The following ZC3H11A variants were observed in gnomAD, a reference collection of about 807,000 sequenced individuals.
The protein encoded by ZC3H11A is zinc finger CCCH domain-containing protein 11A.
Under a neutral mutation model 90.8 loss-of-function variants are expected in ZC3H11A, and 22 were observed. The ratio of observed to expected loss-of-function variants is 0.24; its 90% CI spans 0.17 to 0.35. ZC3H11A has a LOEUF of 0.35. ZC3H11A is among the 10% of genes least tolerant of loss of function. The pLI is 1.00. For missense variants in ZC3H11A, 701 were observed against 964.9 expected, an observed-to-expected ratio of 0.73 and a Z score of 3.62; for synonymous variants, 294 against 339.8, an observed-to-expected ratio of 0.87 and a Z score of 1.48.
At chr1:203,805,714 G>A (rs1316957347) in intron 2 of ZC3H11A, 2 of 662,122 alleles carry the variant, frequency 3.0e-6, no homozygotes, top group African/African-American at 1.8e-5. Flanking sequence ...TGCAGGTGCA[G>A]ATGCTGGCTC....
chr1:203,821,299 GAGTT>G, intron 4 of ZC3H11A, among the ~76,000 whole-genome samples: 1 of 152,042 alleles, frequency 6.6e-6, no homozygotes, highest in East Asian at 1.9e-4. Flanking sequence ...GCAGAACTGT[GAGTT>G]AGTTAAACCT....
At position 203,802,378 on chromosome 1, in the gene ZC3H11A, A is replaced by G. The variant is rs1252172980; in HGVS notation, c.-784A>G. On this transcript the variant is annotated 5_prime_UTR_variant, in exon 2 of 18. Transcript: ENST00000367210. ...CCAAATCTAAAGTCTTTTATAGTGC[A>G]TTTTAAAAGGGGAAACTTATCCAAA... 2 of 152,524 alleles carry G rather than the reference A, an allele frequency of 1.3e-5. No individual in the cohort carries two copies. Among genetic ancestry groups the G allele is most frequent in the Non-Finnish European group, 2.9e-5 (2 of 68,006 alleles). The allele number at this position is 152,524 out of a possible 1,614,324, so 9.4% of individuals were successfully genotyped here. A position where few individuals can be genotyped will look rare whatever the true frequency, so the allele number is the denominator to read the frequency against.
intron 10 of ZC3H11A, among the ~76,000 whole-genome samples, chr1:203,834,863 C>T (rs1228737443): frequency 2.6e-5 from 4 of 152,170 alleles, no homozygotes; most frequent in Non-Finnish European, 4.4e-5. Flanking sequence ...AGGCTGGTCT[C>T]GAACTCCTGC....
intron 4 of ZC3H11A, among the ~76,000 whole-genome samples, chr1:203,827,599 G>A (rs1436702884): frequency 2.6e-5 from 4 of 151,580 alleles, no homozygotes; most frequent in Admixed American, 1.3e-4. Context: ...GGAGAATGGC[G>A]TGAACCCGGG....
chr1:203,798,419 C>G (rs780630170), intron 1 of ZC3H11A: 1 of 1,533,858 alleles, frequency 6.5e-7, no homozygotes, highest in Non-Finnish European at 8.7e-7. Flanking sequence ...GGCCAGGGTC[C>G]CACTTAGGGA....
At chr1:203,837,706 G>A (rs1471387865) in intron 10 of ZC3H11A, among the ~76,000 whole-genome samples, 1 of 152,016 alleles carries the variant, frequency 6.6e-6, no homozygotes, top group African/African-American at 2.4e-5. Flanking sequence ...TCGAACTCCT[G>A]GCCTTAAGTG....
chr1:203,839,838 C>T (rs1402614340), intron 11 of ZC3H11A, among the ~76,000 whole-genome samples: 1 of 151,708 alleles, frequency 6.6e-6, no homozygotes, highest in Non-Finnish European at 1.5e-5. Context: ...GAGTCTCACT[C>T]TGTCACCCAG....
chr1:203,814,594 A>G (rs1675628963), intron 2 of ZC3H11A, among the ~76,000 whole-genome samples: 1 of 152,050 alleles, frequency 6.6e-6, no homozygotes, highest in South Asian at 2.1e-4. Flanking sequence ...CTGAAACCTC[A>G]CCATAAGTAC....
At position 203,838,076 on chromosome 1, in the gene ZC3H11A, C is replaced by G; in HGVS notation, c.973+12C>G. On this transcript the variant is annotated intron_variant, in intron 11 of 17. Coordinates refer to ENST00000367210, the MANE Select transcript of ZC3H11A (RefSeq NM_001376342.1). Reference sequence around the variant, plus strand: ...AACACCAAAGAAAGGTACCTGTGTTCTTACATACTTTGTGTGTGTATGTAA... The same window carrying G: ...AACACCAAAGAAAGGTACCTGTGTTGTTACATACTTTGTGTGTGTATGTAA... The G allele has an allele frequency of 1.9e-6, 3 of 1,612,020 alleles. No individual in the cohort carries two copies. The highest frequency in any genetic ancestry group is 2.5e-6 in the Non-Finnish European group (3 of 1,178,592).
chr1:203,826,353 A>C (rs1680521504), intron 4 of ZC3H11A, among the ~76,000 whole-genome samples: 1 of 150,184 alleles, frequency 6.7e-6, no homozygotes, highest in African/African-American at 2.4e-5. Context: ...TAATATTAAA[A>C]TTAATAAATA....
chr1:203,827,028 T>C (rs1345235579), intron 4 of ZC3H11A, among the ~76,000 whole-genome samples: 2 of 152,196 alleles, frequency 1.3e-5, no homozygotes, highest in African/African-American at 4.8e-5. Context: ...AAGTTTTGAC[T>C]GTTTTCATCT....
intron 9 of ZC3H11A, among the ~76,000 whole-genome samples, chr1:203,833,300 G>C (rs1223280426): frequency 1.3e-5 from 2 of 150,386 alleles, no homozygotes; most frequent in African/African-American, 4.9e-5. Context: ...GGGAGGTGGA[G>C]GTTGCAGTGA....
At chr1:203,849,660 A>T in intron 14 of ZC3H11A, 51 bp from the exon 15 acceptor site, 5 of 1,539,920 alleles carry the variant, frequency 3.2e-6, no homozygotes, top group Non-Finnish European at 4.5e-6. Flanking sequence ...TACATCATAC[A>T]GGTTATTAGA....
rs377024811 is a variant in ZC3H11A, at chr1:203,828,377, A to G, written c.253A>G (p.Asn85Asp). The G allele has an allele frequency of 1.9e-6, 3 of 1,614,020 alleles. No homozygotes were observed. The highest frequency in any genetic ancestry group is 1.7e-5 in the Admixed American group (1 of 60,012). Residue 85 changes from asparagine (N) to aspartate (D), a missense_variant, in exon 5 of 18, where the codon AAT becomes GAT. Asn to Asp is a conservative substitution (Grantham distance 23). Around this residue, in one of 4 missense-constraint regions of ZC3H11A, gnomAD observed 59 missense variants for 132.8 expected, o/e 0.44. Coordinates refer to ENST00000367210, the MANE Select transcript of ZC3H11A (RefSeq NM_001376342.1). ...CQKLNCAFHH[N>D]RGRYVDGLFL... The stretch of plus-strand genomic sequence containing the variant: ...AAAATTAAACTGCGCTTTCCATCAC[A>G]ATAGAGGACGATATGTTGATGGCCT...
intron 10 of ZC3H11A, among the ~76,000 whole-genome samples, chr1:203,836,202 GCA>G (rs1318589655): frequency 6.6e-6 from 1 of 152,106 alleles, no homozygotes; most frequent in Non-Finnish European, 1.5e-5. Flanking sequence ...GGGCAACATA[GCA>G]AGACCCTGTC....
chr1:203,837,223 G>A (rs889047091), intron 10 of ZC3H11A, among the ~76,000 whole-genome samples: 2 of 151,576 alleles, frequency 1.3e-5, no homozygotes, highest in Non-Finnish European at 2.9e-5. Context: ...CCTAGGAGGT[G>A]GAGGTTGCAG....
chr1:203,824,516 T>C (rs935843599), intron 4 of ZC3H11A, among the ~76,000 whole-genome samples: 1 of 152,138 alleles, frequency 6.6e-6, no homozygotes, highest in African/African-American at 2.4e-5. Flanking sequence ...AATCAGTACT[T>C]GGCCATTCGT....
chr1:203,805,475 T>C (rs963341678), intron 2 of ZC3H11A: 1 of 410,468 alleles, frequency 2.4e-6, no homozygotes, highest in Non-Finnish European at 4.8e-6. Flanking sequence ...AAGCAATGAG[T>C]CTCAAAGGAA....
chr1:203,796,053 C>T (rs1176523243), intron 1 of ZC3H11A: 1 of 150,764 alleles, frequency 6.6e-6, no homozygotes, highest in Non-Finnish European at 1.5e-5. Context: ...ACCCCACCCC[C>T]ACGGCGCCTG....
Sources: allele counts gnomAD v4.1 joint callset (sites outside exome capture counted in the v4.1 genomes callset), GRCh38; gene constraint gnomAD v4.1.1; regional missense constraint gnomAD v4.1.1; transcripts MANE v1.5; gene names NCBI Gene and HGNC (gene_info 2026-07-23, HGNC 2026-07-21).